The following OPCML variants were observed in gnomAD, a reference collection of about 807,000 sequenced individuals.
OPCML encodes the protein opioid binding protein/cell adhesion molecule like.
OPCML carries 13 observed loss-of-function variants against 37.8 expected under a neutral mutation model. The observed-to-expected ratio is 0.34, with a 90% CI of 0.22 to 0.55. The LOEUF is 0.55. Among genes scored for constraint, OPCML ranks in the 20% least tolerant of loss-of-function variants. The pLI is 0.91. For synonymous variants in OPCML, 176 were observed against 168.8 expected (o/e 1.04, Z -0.33); for missense variants, 341 against 435.6 (o/e 0.78, Z 1.93).
intron 1 of OPCML, among the ~76,000 whole-genome samples, chr11:133,015,896 C>T (rs140628368): frequency 6.6e-6 from 1 of 152,144 alleles, no homozygotes; most frequent in Non-Finnish European, 1.5e-5. Context: ...AGACCCAGCC[C>T]ACCCATCACT....
intron 1 of OPCML, among the ~76,000 whole-genome samples, chr11:133,012,434 A>T (rs1947236708): frequency 6.6e-6 from 1 of 152,170 alleles, no homozygotes; most frequent in African/African-American, 2.4e-5. Flanking sequence ...AATCTCTCTT[A>T]ATTCGAATCA....
intron 1 of OPCML, among the ~76,000 whole-genome samples, chr11:133,258,125 C>T (rs1255310474): frequency 6.6e-6 from 1 of 152,154 alleles, no homozygotes; most frequent in African/African-American, 2.4e-5. Flanking sequence ...GACCTTCTCC[C>T]TGGGGTCCCC....
chr11:132,727,427 T>C (rs971617951), intron 2 of OPCML, among the ~76,000 whole-genome samples: 3 of 152,234 alleles, frequency 2.0e-5, no homozygotes, highest in African/African-American at 7.2e-5. Flanking sequence ...AGGCCTCCTC[T>C]GTGCCAGCCA....
intron 1 of OPCML, among the ~76,000 whole-genome samples, chr11:133,148,097 G>C (rs1016811818): frequency 7.2e-5 from 11 of 152,142 alleles, no homozygotes; most frequent in African/African-American, 2.7e-4. Context: ...CTGCCTTTCA[G>C]GAGAAAATTA....
rs558189853 is a variant in OPCML at position 132,748,679 on chromosome 11, ACT to A, written c.147-91362_147-91361del. On this transcript the variant is annotated intron_variant, in intron 2 of 7. Transcript: ENST00000524381. ...GCCTGTTCATAGAGCCTTAGCTTTG[ACT>A]CTGAAGAAGACGGAAAGGCATTGGA... 5.6e-3 allele frequency among the ~76,000 whole-genome samples: 851 copies of A among 152,148 alleles called. 3 individuals are homozygous for A. Among genetic ancestry groups the A allele is most frequent in the Non-Finnish European group, 9.1e-3 (618 of 68,004 alleles).
At chr11:132,833,234 T>C (rs1021986111) in intron 2 of OPCML, among the ~76,000 whole-genome samples, 2 of 152,252 alleles carry the variant, frequency 1.3e-5, no homozygotes, top group South Asian at 2.1e-4. Flanking sequence ...CCTTTCTTTA[T>C]ATCCTATTCT....
At chr11:132,816,672 G>A (rs536080367) in intron 2 of OPCML, among the ~76,000 whole-genome samples, 10 of 152,234 alleles carry the variant, frequency 6.6e-5, no homozygotes, top group South Asian at 4.2e-4. Context: ...CACAGCGTTC[G>A]AGAGTTCTGA....
intron 1 of OPCML, among the ~76,000 whole-genome samples, chr11:133,315,665 G>T (rs1565567410): frequency 6.6e-6 from 1 of 152,140 alleles, no homozygotes; most frequent in East Asian, 1.9e-4. Flanking sequence ...CGGCATAGTG[G>T]CACGTGCTTG....
intron 2 of OPCML, among the ~76,000 whole-genome samples, chr11:132,815,421 A>C (rs1939576531): frequency 6.6e-6 from 1 of 152,206 alleles, no homozygotes; most frequent in African/African-American, 2.4e-5. Flanking sequence ...TAATAGATTA[A>C]AGATGTGTGG....
intron 3 of OPCML, among the ~76,000 whole-genome samples, chr11:132,575,272 A>G (rs1283689698): frequency 6.6e-6 from 1 of 151,930 alleles, no homozygotes; most frequent in Non-Finnish European, 1.5e-5. Context: ...AGGGTTTACT[A>G]TTGCTAGTTT....
chr11:133,187,779 CA>C (rs1938151721), intron 1 of OPCML, among the ~76,000 whole-genome samples: 1 of 152,178 alleles, frequency 6.6e-6, no homozygotes, highest in African/African-American at 2.4e-5. Flanking sequence ...AAAGAGCTAT[CA>C]TATCCTTTAT....
chr11:132,504,046 G>T (rs923639528), intron 4 of OPCML, among the ~76,000 whole-genome samples: 2 of 152,208 alleles, frequency 1.3e-5, no homozygotes, highest in South Asian at 4.2e-4. Flanking sequence ...GCATCTCTCA[G>T]CTTCTCACTA....
Position 132,688,904 on chromosome 11 carries a change from T to G in OPCML, c.147-31585A>C, listed in dbSNP as rs1267921155. ...AGCGGAGCTTGCAGTGAGCCGAGATTGCGCCACTGCAGTCCGCAGTCCGGC... is the reference window on the plus strand; with the variant it reads ...AGCGGAGCTTGCAGTGAGCCGAGATGGCGCCACTGCAGTCCGCAGTCCGGC... On this transcript the variant is annotated intron_variant, in intron 2 of 7. Transcript: ENST00000524381. Among the ~76,000 whole-genome samples, 2 of 29,612 alleles carry G rather than the reference T, an allele frequency of 6.8e-5. 1 individual carries two copies. The allele number at this position is 29,612 out of a possible 152,430, so 19.4% of individuals were successfully genotyped here. A position where few individuals can be genotyped will look rare whatever the true frequency, so the allele number is the denominator to read the frequency against.
chr11:132,766,583 A>T (rs938236326), intron 2 of OPCML, among the ~76,000 whole-genome samples: 2 of 152,184 alleles, frequency 1.3e-5, no homozygotes, highest in African/African-American at 4.8e-5. Context: ...TAAGGGTACT[A>T]ACCCCATCAT....
At chr11:132,585,026 T>A (rs2137663375) in intron 3 of OPCML, among the ~76,000 whole-genome samples, 1 of 152,332 alleles carries the variant, frequency 6.6e-6, no homozygotes, top group South Asian at 2.1e-4. Flanking sequence ...GGTTACAGTC[T>A]GTCTACACAT....
intron 4 of OPCML, among the ~76,000 whole-genome samples, chr11:132,444,496 C>T (rs2096047776): frequency 6.6e-6 from 1 of 152,162 alleles, no homozygotes; most frequent in Admixed American, 6.5e-5. Context: ...GTACTGTTTA[C>T]CCTTCTTCCT....
intron 3 of OPCML, among the ~76,000 whole-genome samples, chr11:132,609,549 C>G (rs548973049): frequency 4.8e-4 from 73 of 152,278 alleles, no homozygotes; most frequent in South Asian, 1.2e-3. Flanking sequence ...AGCCTTTGCA[C>G]GGAGTGCTGT....
chr11:133,070,518 C>T (rs189529623), intron 1 of OPCML, among the ~76,000 whole-genome samples: 40 of 152,294 alleles, frequency 2.6e-4, no homozygotes, highest in South Asian at 1.2e-3. Context: ...AATTCTATTG[C>T]CTATGGACGA....
At chr11:132,570,692 A>G (rs1392731895) in intron 3 of OPCML, among the ~76,000 whole-genome samples, 4 of 145,072 alleles carry the variant, frequency 2.8e-5, no homozygotes, top group Non-Finnish European at 6.0e-5. Flanking sequence ...TTTTATACAT[A>G]TGTGTGCATG....
Sources: allele counts gnomAD v4.1 joint callset (sites outside exome capture counted in the v4.1 genomes callset), GRCh38; gene constraint gnomAD v4.1.1; transcripts MANE v1.5; gene names NCBI Gene and HGNC (gene_info 2026-07-23, HGNC 2026-07-21).